Variants in CARMIL1 observed in about 807,000 individuals in gnomAD.
CARMIL1 encodes the protein F-actin-uncapping protein LRRC16A.
CARMIL1 carries 90 observed loss-of-function variants against 177.1 expected under a neutral mutation model. The ratio of observed to expected loss-of-function variants is 0.51; its 90% CI spans 0.43 to 0.61. The LOEUF (loss-of-function observed/expected upper bound fraction) is 0.61. CARMIL1 is among the 20% of genes least tolerant of loss of function. CARMIL1 has a pLI of 0.00. For missense variants in CARMIL1, 1,380 were observed against 1,667.0 expected, an observed-to-expected ratio of 0.83 and a Z score of 3.00; for synonymous variants, 577 against 606.2, an observed-to-expected ratio of 0.95 and a Z score of 0.71.
At chr6:25,324,026 T>A (rs1017984476) in intron 2 of CARMIL1, among the ~76,000 whole-genome samples, 15 of 152,230 alleles carry the variant, frequency 9.9e-5, no homozygotes, top group Non-Finnish European at 1.6e-4. Flanking sequence ...ACAAGCCTGT[T>A]CTGGTTGGCA....
Position 25,619,694 on chromosome 6 carries a change from C to A in CARMIL1, c.*111C>A. 4 of 715,488 alleles carry A rather than the reference C, an allele frequency of 5.6e-6. No homozygotes were observed. The highest frequency in any genetic ancestry group is 7.7e-6 in the Non-Finnish European group (4 of 519,694). The allele number at this position is 715,488 out of a possible 1,614,324, so 44.3% of individuals were successfully genotyped here. ...CGTTCTTCTCTGGGTGCTTTATTCT[C>A]TTCTTTTTCTTTATTTCGCCCCCAC... On this transcript the variant is annotated 3_prime_UTR_variant, in exon 37 of 37. Transcript: ENST00000329474.
chr6:25,615,614 A>G (rs915330128), intron 36 of CARMIL1, among the ~76,000 whole-genome samples: 1 of 152,202 alleles, frequency 6.6e-6, no homozygotes, highest in African/African-American at 2.4e-5. Flanking sequence ...ACAGCCAATA[A>G]ATACTTGGCT....
At chr6:25,406,564 G>A (rs181732418) in intron 2 of CARMIL1, among the ~76,000 whole-genome samples, 1 of 152,328 alleles carries the variant, frequency 6.6e-6, no homozygotes, top group Non-Finnish European at 1.5e-5. Context: ...GTGGTGGCTT[G>A]GAATAGTATC....
intron 31 of CARMIL1, among the ~76,000 whole-genome samples, chr6:25,589,950 G>T (rs1814136869): frequency 6.6e-6 from 1 of 152,184 alleles, no homozygotes; most frequent in Non-Finnish European, 1.5e-5. Context: ...GAAAAAGGGG[G>T]TGCATGCAGC....
At chr6:25,345,895 G>A (rs1463864765) in intron 2 of CARMIL1, among the ~76,000 whole-genome samples, 4 of 152,208 alleles carry the variant, frequency 2.6e-5, no homozygotes, top group Non-Finnish European at 4.4e-5. Flanking sequence ...GGGATTACAG[G>A]TGTGAGCCAC....
chr6:25,284,991 G>A, intron 2 of CARMIL1, 82 bp downstream of exon 2: 2 of 826,586 alleles, frequency 2.4e-6, no homozygotes, highest in Non-Finnish European at 2.0e-6. Flanking sequence ...TTTTCATGCA[G>A]CATTACTTCT....
At position 25,443,993 on chromosome 6, in the gene CARMIL1, G is replaced by A. The variant is rs1797989406; in HGVS notation, c.372-5905G>A. Among the ~76,000 whole-genome samples the A allele has an allele frequency of 2.0e-5, 3 of 152,076 alleles. No homozygotes were observed. The South Asian group carries it at 6.2e-4, about 32-fold the overall frequency. ...TAATTTTGTGTTTTTAGTAGAGATG[G>A]GGTTTCTCCATGTTGGTCAGGCTGC... On this transcript the variant is annotated intron_variant, in intron 5 of 36. Coordinates refer to ENST00000329474, the MANE Select transcript of CARMIL1 (RefSeq NM_017640.6).
chr6:25,295,220 TATATG>T lies in CARMIL1; in HGVS notation c.138+10316_138+10320del, dbSNP rs369859580. Among the ~76,000 whole-genome samples, 1,015 of 152,080 alleles carry T rather than the reference TATATG, an allele frequency of 6.7e-3. 11 individuals carry two copies. The highest frequency in any genetic ancestry group is 0.022 in the African/African-American group (932 of 41,490). Reference sequence around the variant, plus strand: ...TTTTTCTGTGCTAACTTACATAAAATATATGATATATTTTAAAAAATGGAATCATG... The same window carrying T: ...TTTTTCTGTGCTAACTTACATAAAATATATATTTTAAAAAATGGAATCATG... On this transcript the variant is annotated intron_variant, in intron 2 of 36. Coordinates refer to ENST00000329474, the MANE Select transcript of CARMIL1 (RefSeq NM_017640.6).
At chr6:25,384,708 C>G (rs890040918) in intron 2 of CARMIL1, among the ~76,000 whole-genome samples, 5 of 152,222 alleles carry the variant, frequency 3.3e-5, no homozygotes, top group African/African-American at 1.2e-4. Context: ...TTGCCTCGTT[C>G]TCAGGGATAT....
In CARMIL1 at chr6:25,491,955, G is replaced by A. The variant is rs777050168; in HGVS notation, c.1151G>A (p.Gly384Glu). Residue 384 changes from glycine to glutamate, a missense_variant, in exon 15 of 37, where the codon GGA becomes GAA. By Grantham distance (98) the Gly-to-Glu change is moderately conservative (BLOSUM62 -2). Transcript: ENST00000329474. ...NTECSLDMVC[G>E]ALLRGCLQYL... ...GCCTTATTTCTTTTTCAGGTCTGTG[G>A]AGCTCTTCTCCGTGGATGCCTTCAA... is the stretch of plus-strand genomic sequence containing the variant. The A allele has an allele frequency of 6.2e-7, 1 of 1,613,394 alleles. No homozygotes were observed.
intron 2 of CARMIL1, among the ~76,000 whole-genome samples, chr6:25,332,779 A>ACG (rs1785806654): frequency 6.7e-6 from 1 of 149,634 alleles, no homozygotes; most frequent in Non-Finnish European, 1.5e-5. Flanking sequence ...ACACGCGCAC[A>ACG]CACACACACA....
At chr6:25,492,133 G>T in intron 15 of CARMIL1, 109 bp downstream of exon 15, 1 of 878,390 alleles carries the variant, frequency 1.1e-6, no homozygotes, top group Non-Finnish European at 1.8e-6. Flanking sequence ...TATGAAAGAA[G>T]GCAGCCTTAA....
At chr6:25,389,679 G>A (rs1344978092) in intron 2 of CARMIL1, among the ~76,000 whole-genome samples, 1 of 152,176 alleles carries the variant, frequency 6.6e-6, no homozygotes, top group East Asian at 1.9e-4. Context: ...AGTTGTTTCT[G>A]CCCAGTGATC....
intron 2 of CARMIL1, among the ~76,000 whole-genome samples, chr6:25,300,337 A>T (rs1203251347): frequency 2.0e-5 from 3 of 152,206 alleles, no homozygotes; most frequent in African/African-American, 7.2e-5. Context: ...GGTCCTGAGA[A>T]ACAGCAACAT....
intron 2 of CARMIL1, among the ~76,000 whole-genome samples, chr6:25,403,123 C>T (rs1218769238): frequency 6.7e-6 from 1 of 148,588 alleles, no homozygotes; most frequent in Non-Finnish European, 1.5e-5. Context: ...AAAACTTCAT[C>T]TAGGTAACAC....
In CARMIL1 at chr6:25,465,912, G is replaced by C; in HGVS notation, c.654G>C (p.Gln218His). The change falls in exon 9 of 37, where the codon CAG (glutamine) becomes CAC (histidine). Residue 218 changes from glutamine (Q) to histidine (H), a missense_variant. By Grantham distance (24) the Gln-to-His change is conservative. Coordinates refer to ENST00000329474, the MANE Select transcript of CARMIL1 (RefSeq NM_017640.6). Reference protein sequence around the residue: ...IPIIAALEYNQWFTKLSSKDL... With the variant: ...IPIIAALEYNHWFTKLSSKDL... Reference sequence around the variant, plus strand: ...TCATTGCTGCTCTGGAATATAATCAGTGGTTCACAAAACTGTCCTCTAAGG... The same window carrying C: ...TCATTGCTGCTCTGGAATATAATCACTGGTTCACAAAACTGTCCTCTAAGG... 1 of 1,612,822 alleles carries C rather than the reference G, an allele frequency of 6.2e-7. No individual in the cohort carries two copies. The highest frequency in any genetic ancestry group is 8.5e-7 in the Non-Finnish European group (1 of 1,178,962).
intron 28 of CARMIL1, among the ~76,000 whole-genome samples, chr6:25,555,410 CATT>C (rs1177787896): frequency 6.0e-4 from 91 of 151,574 alleles, no homozygotes; most frequent in African/African-American, 2.1e-3. Flanking sequence ...TTCATTCATT[CATT>C]CATTCAGGAT....
intron 2 of CARMIL1, among the ~76,000 whole-genome samples, chr6:25,408,280 T>C (rs1202577497): frequency 7.1e-6 from 1 of 140,192 alleles, no homozygotes; most frequent in Non-Finnish European, 1.5e-5. Flanking sequence ...AGTAAAAGCC[T>C]GTCTCTTAAA....
At chr6:25,477,038 G>A (rs1801634062) in intron 11 of CARMIL1, among the ~76,000 whole-genome samples, 1 of 148,552 alleles carries the variant, frequency 6.7e-6, no homozygotes, top group African/African-American at 2.5e-5. Context: ...GCAGTGAGCC[G>A]AGATTGTGTC....
Sources: gnomAD v4.1 joint callset for allele counts (sites outside exome capture counted in the v4.1 genomes callset) on GRCh38, gnomAD v4.1.1 for gene constraint, MANE v1.5 for transcripts, NCBI Gene and HGNC (gene_info 2026-07-23, HGNC 2026-07-21) for gene names.